Variants in KCNQ3 observed in about 807,000 individuals in gnomAD.
KCNQ3 encodes the protein potassium voltage-gated channel subfamily Q member 3.
Under a neutral mutation model 92.5 loss-of-function variants are expected in KCNQ3, and 30 were observed. The observed-to-expected ratio is 0.32, with a 90% CI of 0.24 to 0.44. The LOEUF is 0.44. Ranked by LOEUF, KCNQ3 falls within the 20% of genes least tolerant of loss-of-function variation. The probability of loss-of-function intolerance (pLI) is 1.00; values close to 1 mark genes in which losing one functional copy is unlikely to be tolerated. For missense variants in KCNQ3, 913 were observed against 1,140.3 expected, an observed-to-expected ratio of 0.80 and a Z score of 2.87; for synonymous variants, 450 against 468.8, an observed-to-expected ratio of 0.96 and a Z score of 0.52.
chr8:132,437,520 T>C (rs1344524178), intron 1 of KCNQ3, among the ~76,000 whole-genome samples: 5 of 152,340 alleles, frequency 3.3e-5, no homozygotes, highest in African/African-American at 1.2e-4. Context: ...TGTATTAATT[T>C]AGTTTACACA....
intron 1 of KCNQ3, among the ~76,000 whole-genome samples, chr8:132,338,051 G>A (rs994361634): frequency 7.2e-5 from 11 of 152,178 alleles, no homozygotes; most frequent in Admixed American, 2.0e-4. Flanking sequence ...TCAGATGGTC[G>A]AAGGTTTGGA....
At chr8:132,362,737 G>A (rs1389416847) in intron 1 of KCNQ3, among the ~76,000 whole-genome samples, 2 of 152,196 alleles carry the variant, frequency 1.3e-5, no homozygotes, top group African/African-American at 2.4e-5. Context: ...GAAATCAAAT[G>A]AGTGCAAAGA....
At chr8:132,458,860 A>G (rs1176717516) in intron 1 of KCNQ3, among the ~76,000 whole-genome samples, 2 of 152,234 alleles carry the variant, frequency 1.3e-5, no homozygotes, top group Non-Finnish European at 2.9e-5. Flanking sequence ...AGTATGATAC[A>G]TTTGTTACAA....
chr8:132,292,233 A>G (rs140076795), intron 1 of KCNQ3, among the ~76,000 whole-genome samples: 44 of 152,252 alleles, frequency 2.9e-4, no homozygotes, highest in African/African-American at 1.0e-3. Flanking sequence ...TGATTTCCCC[A>G]CTCTCTATAG....
rs761014569 is a variant in KCNQ3, at chr8:132,132,196, A to T, written c.1868T>A (p.Val623Glu). ...IEDQSMMGKF[V>E]KVERQVQDMG... is the part of the protein sequence containing the mutation. ...AAGACTTACCTGTCTTTCAACTTTT[A>T]CAAACTTCCCCATCATGCTTTGGTC... The change falls in exon 14 of 15, where the codon GTA becomes GAA. Residue 623 changes from valine (V) to glutamate (E), a missense_variant. By Grantham distance (121) the Val-to-Glu change is moderately radical. Coordinates refer to ENST00000388996, the MANE Select transcript of KCNQ3 (RefSeq NM_004519.4). 1 of 1,611,866 alleles carries T rather than the reference A, an allele frequency of 6.2e-7. No individual in the cohort carries two copies. Among genetic ancestry groups the T allele is most frequent in the Admixed American group, 1.7e-5 (1 of 60,004 alleles).
intron 9 of KCNQ3, among the ~76,000 whole-genome samples, chr8:132,145,374 G>A (rs1487656232): frequency 6.6e-6 from 1 of 152,208 alleles, no homozygotes; most frequent in African/African-American, 2.4e-5. Flanking sequence ...CTGAGAAAGG[G>A]ACTGCTGTAT....
At chr8:132,261,350 C>T (rs995114741) in intron 1 of KCNQ3, among the ~76,000 whole-genome samples, 6 of 152,276 alleles carry the variant, frequency 3.9e-5, no homozygotes, top group African/African-American at 1.4e-4. Context: ...CGTGCCTCAC[C>T]CAGTGGGGCT....
intron 1 of KCNQ3, among the ~76,000 whole-genome samples, chr8:132,277,023 A>T (rs1480683289): frequency 6.6e-6 from 1 of 152,196 alleles, no homozygotes; most frequent in Admixed American, 6.5e-5. Flanking sequence ...TTGAAGAAAC[A>T]TGCAATGAAA....
chr8:132,274,984 C>T (rs1440431137), intron 1 of KCNQ3, among the ~76,000 whole-genome samples: 1 of 152,072 alleles, frequency 6.6e-6, no homozygotes, highest in Non-Finnish European at 1.5e-5. Flanking sequence ...AGGTCACTCA[C>T]CCCATGCAGG....
chr8:132,409,581 T>C (rs1820593080), intron 1 of KCNQ3, among the ~76,000 whole-genome samples: 1 of 152,220 alleles, frequency 6.6e-6, no homozygotes, highest in Non-Finnish European at 1.5e-5. Flanking sequence ...GACTGTGACC[T>C]CCTTGGGGAC....
intron 9 of KCNQ3, among the ~76,000 whole-genome samples, chr8:132,147,646 A>G (rs1825494873): frequency 2.0e-5 from 3 of 152,190 alleles, no homozygotes. Flanking sequence ...TGGATGGATG[A>G]AGATGGGTGC....
At chr8:132,467,715 A>G (rs113293031) in intron 1 of KCNQ3, among the ~76,000 whole-genome samples, 3,568 of 152,350 alleles carry the variant, frequency 0.023, 57 homozygotes, top group African/African-American at 0.031. Flanking sequence ...TTGCCCTTGA[A>G]AGAAAACATT....
intron 1 of KCNQ3, among the ~76,000 whole-genome samples, chr8:132,295,714 C>T (rs113359328): frequency 0.026 from 3,910 of 152,176 alleles, 186 homozygotes; most frequent in African/African-American, 0.089. Flanking sequence ...TGAAAAGGAA[C>T]AAGATCATGC....
At chr8:132,208,271 C>T (rs1044302703) in intron 1 of KCNQ3, among the ~76,000 whole-genome samples, 3 of 151,878 alleles carry the variant, frequency 2.0e-5, no homozygotes, top group Non-Finnish European at 4.4e-5. Flanking sequence ...AGGCATGGCA[C>T]ATGCTACTCT....
At chr8:132,412,674 C>T (rs1020751787) in intron 1 of KCNQ3, among the ~76,000 whole-genome samples, 1 of 152,124 alleles carries the variant, frequency 6.6e-6, no homozygotes, top group African/African-American at 2.4e-5. Context: ...AGGAGAGAGG[C>T]ATGATGATGG....
intron 1 of KCNQ3, among the ~76,000 whole-genome samples, chr8:132,384,499 T>C (rs1243921094): frequency 6.6e-6 from 1 of 152,170 alleles, no homozygotes; most frequent in Non-Finnish European, 1.5e-5. Context: ...CCCTAAAGAC[T>C]TCTTGGTACA....
intron 1 of KCNQ3, among the ~76,000 whole-genome samples, chr8:132,471,421 G>A (rs1394927300): frequency 6.6e-6 from 1 of 152,172 alleles, no homozygotes; most frequent in Non-Finnish European, 1.5e-5. Flanking sequence ...GATTGCCAAG[G>A]GGAGTGTGCA....
intron 1 of KCNQ3, among the ~76,000 whole-genome samples, chr8:132,297,642 A>T (rs903161450): frequency 3.7e-5 from 2 of 53,544 alleles, no homozygotes; most frequent in African/African-American, 9.4e-5. Context: ...AGTGCAGTTT[A>T]CATTACAATA....
chr8:132,338,073 C>T (rs1017986652), intron 1 of KCNQ3, among the ~76,000 whole-genome samples: 1 of 152,156 alleles, frequency 6.6e-6, no homozygotes, highest in Non-Finnish European at 1.5e-5. Flanking sequence ...AAACAAATGG[C>T]TTCTATAATT....
Sources: gnomAD v4.1 joint callset for allele counts (sites outside exome capture counted in the v4.1 genomes callset) on GRCh38, gnomAD v4.1.1 for gene constraint, MANE v1.5 for transcripts, NCBI Gene and HGNC (gene_info 2026-07-23, HGNC 2026-07-21) for gene names.